The following ITIH6 variants were observed in gnomAD, a reference collection of about 807,000 sequenced individuals.
The protein encoded by ITIH6 is inter-alpha-trypsin inhibitor heavy chain family member 6.
In ITIH6, 60 loss-of-function variants were observed where a neutral mutation model predicts 58.2. The observed-to-expected ratio is 1.03, with a 90% confidence interval of 0.84 to 1.28. The LOEUF (loss-of-function observed/expected upper bound fraction) is 1.28, where lower values mean the gene tolerates loss of function less well. ITIH6 is among the 50% of genes most tolerant of loss of function. The probability of loss-of-function intolerance (pLI) is 0.00; values close to 1 mark genes in which losing one functional copy is unlikely to be tolerated. For synonymous variants in ITIH6, 493 were observed against 417.4 expected, an observed-to-expected ratio of 1.18 and a Z score of -2.21; for missense variants, 1,290 against 1,021.1, an observed-to-expected ratio of 1.26 and a Z score of -3.59.
chrX:54,751,419 T>G, intron 11 of ITIH6, 39 bp from the exon 12 acceptor site: 1 of 1,189,935 alleles, frequency 8.4e-7, no homozygotes, highest in Non-Finnish European at 1.1e-6. Context: ...CGGGGGCTTT[T>G]GCATGGTCAT....
chrX:54,759,975 T>C, intron 6 of ITIH6, 48 bp from the exon 7 acceptor site: 4 of 1,061,486 alleles, frequency 3.8e-6, no homozygotes, highest in Non-Finnish European at 5.2e-6. Context: ...ACTTGAGGTC[T>C]ATGAGATTGA....
At chrX:54,756,845 C>G in intron 8 of ITIH6, 120 bp downstream of exon 8, 4 of 456,119 alleles carry the variant, frequency 8.8e-6, no homozygotes, top group Non-Finnish European at 1.4e-5. Context: ...AGCAAGCAAG[C>G]AAGCAAGGAA....
intron 6 of ITIH6, among the ~76,000 whole-genome samples, chrX:54,765,594 C>CTTTTTTTTT (rs1178444249): frequency 2.5e-5 from 2 of 79,211 alleles, no homozygotes; most frequent in Non-Finnish European, 5.0e-5. Context: ...TATTTCTTTT[C>CTTTTTTTTT]TTTTTTTTTT....
chrX:54,762,062 A>C lies in ITIH6; in HGVS notation c.904-2135T>G, dbSNP rs1057350969. 9.0e-5 allele frequency among the ~76,000 whole-genome samples: 10 copies of C among 111,727 alleles called. 1 individual carries two copies. The Admixed American group carries it at 9.5e-4, about 11-fold the overall frequency. ...CATTTTCACGACATTGATTCTTCCT[A>C]TCCATGAGCATGGAATGTTCTTCCA... On this transcript the variant is annotated intron_variant, in intron 6 of 12. Coordinates refer to ENST00000218436, the MANE Select transcript of ITIH6 (RefSeq NM_198510.3).
chrX:54,760,736 C>T (rs747858497), intron 6 of ITIH6, among the ~76,000 whole-genome samples: 2 of 111,197 alleles, frequency 1.8e-5, no homozygotes, highest in South Asian at 3.8e-4. Context: ...TGGTTTCCAG[C>T]TTCATCCATG....
rs1410065888 is a variant in ITIH6, at chrX:54,774,636, C to T, written c.787-439G>A. Among the ~76,000 whole-genome samples the T allele has an allele frequency of 8.1e-4, 91 of 112,865 alleles. 1 individual carries two copies. The highest frequency in any genetic ancestry group is 1.2e-3 in the Non-Finnish European group (62 of 53,205). On this transcript the variant is annotated intron_variant, in intron 5 of 12. Coordinates refer to ENST00000218436, the MANE Select transcript of ITIH6 (RefSeq NM_198510.3). Reference sequence around the variant, plus strand: ...CTTTGCTGCCAGGGGCTGGGAGTTGCAGGGCCTCCCTCTCCTCCTAAAACC... The same window carrying T: ...CTTTGCTGCCAGGGGCTGGGAGTTGTAGGGCCTCCCTCTCCTCCTAAAACC...
intron 8 of ITIH6, among the ~76,000 whole-genome samples, 140 bp downstream of exon 8, chrX:54,756,809 AAAGCAAGCAAGCAAGC>A (rs555076681): frequency 9.3e-6 from 1 of 108,008 alleles, no homozygotes. Context: ...CCAAAGTCCC[AAAGCAAGCAAGCAAGC>A]AAGCAAGCAA....
Position 54,749,845 on chromosome X carries a change from T to C in ITIH6, c.*50A>G. The C allele has an allele frequency of 1.8e-6, 2 of 1,101,281 alleles. No homozygotes were observed. Among genetic ancestry groups the C allele is most frequent in the Non-Finnish European group, 2.5e-6 (2 of 810,487 alleles). The allele number at this position is 1,101,281 out of a possible 1,213,427, so 90.8% of individuals were successfully genotyped here. ...GTCCCTGGCTCACCCCATGCCCTGG[T>C]TTCTGGATCTCCCAAATTCAGGTCT... On this transcript the variant is annotated 3_prime_UTR_variant, in exon 13 of 13. Coordinates refer to ENST00000218436, the MANE Select transcript of ITIH6 (RefSeq NM_198510.3).
intron 2 of ITIH6, among the ~76,000 whole-genome samples, chrX:54,792,413 G>T (rs2147621672): frequency 8.9e-6 from 1 of 111,986 alleles, no homozygotes; most frequent in African/African-American, 3.2e-5. Flanking sequence ...TGTATTTACA[G>T]TAATGTTTCT....
chrX:54,774,602 G>A (rs1231688284), intron 5 of ITIH6, among the ~76,000 whole-genome samples: 1 of 113,040 alleles, frequency 8.8e-6, no homozygotes, highest in Non-Finnish European at 1.9e-5. Flanking sequence ...GTGAGCCTGG[G>A]GCCCAGCTCT....
At chrX:54,786,128 G>A (rs1430448629) in intron 5 of ITIH6, among the ~76,000 whole-genome samples, 1 of 111,990 alleles carries the variant, frequency 8.9e-6, no homozygotes, top group Admixed American at 9.4e-5. Flanking sequence ...TGCCTTCCTG[G>A]TCAGGGGCAC....
At position 54,749,905 on chromosome X, in the gene ITIH6, T is replaced by C; in HGVS notation, c.3932A>G (p.Tyr1311Cys). Residue 1311 changes from tyrosine (Y) to cysteine (C), a missense_variant, in exon 13 of 13, where the codon TAT becomes TGT. Coordinates refer to ENST00000218436, the MANE Select transcript of ITIH6 (RefSeq NM_198510.3). ...GGAATTCAGAAGCCATCACAGGACATAGGAGAGGTAGGGGTGGCCCAGAAG... is the reference window on the plus strand; with the variant it reads ...GGAATTCAGAAGCCATCACAGGACACAGGAGAGGTAGGGGTGGCCCAGAAG... ...ELLLGHPYLS[Y>C]VL The C allele has an allele frequency of 8.3e-7, 1 of 1,207,805 alleles. No homozygotes were observed. Among genetic ancestry groups the C allele is most frequent in the Non-Finnish European group, 1.1e-6 (1 of 893,031 alleles).
chrX:54,788,094 CGA>C (rs1569544288), intron 5 of ITIH6, among the ~76,000 whole-genome samples: 1 of 111,478 alleles, frequency 9.0e-6, no homozygotes. Context: ...TGTTAAAAGC[CGA>C]GAGAGAGCAA....
Position 54,758,434 on chromosome X carries a change from C to A in ITIH6, c.1640G>T (p.Gly547Val), listed in dbSNP as rs1928556051. Residue 547 changes from glycine to valine, a missense_variant, in exon 8 of 13, where the codon GGT becomes GTT. Coordinates refer to ENST00000218436, the MANE Select transcript of ITIH6 (RefSeq NM_198510.3). ...ATTGGGGGCTGGCTCCCCTGGGCAA[C>A]CAAAGGCCTTCTGGCTGTTGTTGGT... ...GATNNSQKAF[G>V]CPGEPAPNVA... The A allele has an allele frequency of 8.3e-7, 1 of 1,210,002 alleles. No individual in the cohort carries two copies.
intron 11 of ITIH6, among the ~76,000 whole-genome samples, chrX:54,752,554 G>C (rs1928386779): frequency 8.9e-6 from 1 of 112,085 alleles, no homozygotes; most frequent in African/African-American, 3.2e-5. Context: ...TCTAATTGAA[G>C]AGAACTGGCA....
chrX:54,770,150 G>A (rs1416825868), intron 6 of ITIH6, among the ~76,000 whole-genome samples: 6 of 112,517 alleles, frequency 5.3e-5, no homozygotes, highest in East Asian at 2.8e-4. Flanking sequence ...TTTCAGGTGC[G>A]TCCCTCACCC....
Position 54,796,917 on chromosome X carries a change from G to C in ITIH6, c.257+25C>G, listed in dbSNP as rs973150635. 6.7e-6 allele frequency: 8 copies of C among 1,194,517 alleles called. No individual in the cohort carries two copies. In the African/African-American group the frequency reaches 1.2e-4, roughly 18 times the overall value. On this transcript the variant is annotated intron_variant, in intron 2 of 12. Coordinates refer to ENST00000218436, the MANE Select transcript of ITIH6 (RefSeq NM_198510.3). ...ACAAATATATGCACAAATGAATGAA[G>C]TGGTGACTTTGGAAGCAGACTTACA...
chrX:54,791,217 T>A, intron 3 of ITIH6, 133 bp from the exon 4 acceptor site: 1 of 578,097 alleles, frequency 1.7e-6, no homozygotes, highest in Non-Finnish European at 2.7e-6. Context: ...TTCAACTGAG[T>A]CACTGGCTCA....
chrX:54,797,957 A>G (rs1480291320), intron 1 of ITIH6, 152 bp downstream of exon 1: 1 of 440,484 alleles, frequency 2.3e-6, no homozygotes. Context: ...GCAGCACCTG[A>G]CATGTGCTCA....
Sources: gnomAD v4.1 joint callset for allele counts (sites outside exome capture counted in the v4.1 genomes callset) on GRCh38, gnomAD v4.1.1 for gene constraint, MANE v1.5 for transcripts, NCBI Gene and HGNC (gene_info 2026-07-23, HGNC 2026-07-21) for gene names.